The following CPA4 variants were observed in gnomAD, a reference collection of about 807,000 sequenced individuals.
The protein encoded by CPA4 is carboxypeptidase A4.
CPA4 carries 49 observed loss-of-function variants against 54.7 expected under a neutral mutation model. The observed-to-expected ratio is 0.90, with a 90% confidence interval of 0.71 to 1.14. The LOEUF (loss-of-function observed/expected upper bound fraction) is 1.14. Among genes scored for constraint, CPA4 ranks in the 50% most tolerant of loss-of-function variants. The pLI is 0.00. For missense variants in CPA4, 487 were observed against 525.1 expected (o/e 0.93, Z 0.71); for synonymous variants, 215 against 206.8 (o/e 1.04, Z -0.34).
At chr7:130,320,075 G>A (rs1177089474) in intron 10 of CPA4, among the ~76,000 whole-genome samples, 2 of 152,134 alleles carry the variant, frequency 1.3e-5, no homozygotes, top group African/African-American at 4.8e-5. Flanking sequence ...CCCAACCCTT[G>A]TAAGTGTCTA....
At chr7:130,320,689 G>A (rs1014975741) in intron 10 of CPA4, among the ~76,000 whole-genome samples, 6 of 152,168 alleles carry the variant, frequency 3.9e-5, no homozygotes, top group African/African-American at 1.4e-4. Flanking sequence ...ATGGACCTGG[G>A]TTTAGATTGC....
At chr7:130,320,090 G>A (rs145285029) in intron 10 of CPA4, among the ~76,000 whole-genome samples, 68 of 152,210 alleles carry the variant, frequency 4.5e-4, no homozygotes, top group African/African-American at 1.2e-3. Flanking sequence ...TGTCTAAAAT[G>A]TCCACCTAGA....
chr7:130,293,350 C>T, intron 1 of CPA4, 102 bp downstream of exon 1: 1 of 770,632 alleles, frequency 1.3e-6, no homozygotes, highest in Admixed American at 1.9e-5. Context: ...AGGAAGAAGA[C>T]CTGGGCTCTT....
Position 130,310,827 on chromosome 7 carries a change from T to C in CPA4, c.834T>C (p.His278=), listed in dbSNP as rs73721864. 1,646 of 1,614,244 alleles carry C rather than the reference T, an allele frequency of 1.0e-3. 13 individuals carry two copies. The African/African-American group carries it at 0.015, about 15-fold the overall frequency. Residue 278 remains histidine (H), a synonymous_variant, in exon 9 of 11, where the codon CAT becomes CAC. Coordinates refer to ENST00000222482, the MANE Select transcript of CPA4 (RefSeq NM_016352.4). This position sits in a 1 kb window ranked among gnomAD's most constrained non-coding sequence, Gnocchi z 4.3. ...ACAACCCTTGCTCCGAAGTGTACCA[T>C]GGACCCCACGCCAATTCGGAAGTGG... ...ASDNPCSEVY[H]GPHANSEVEV...
At chr7:130,304,647 A>G (rs1252987327) in intron 5 of CPA4, 68 bp downstream of exon 5, 1 of 953,196 alleles carries the variant, frequency 1.0e-6, no homozygotes, top group Non-Finnish European at 1.7e-6. Context: ...CAGACCTCTG[A>G]AAAGGGTAGC....
chr7:130,314,639 T>C (rs1298194876), intron 10 of CPA4, among the ~76,000 whole-genome samples: 1 of 152,112 alleles, frequency 6.6e-6, no homozygotes, highest in East Asian at 1.9e-4. Context: ...AGTGGTTGTA[T>C]TGGTGAGGTT....
chr7:130,307,326 G>A (rs73146801), intron 7 of CPA4, among the ~76,000 whole-genome samples: 9,344 of 152,028 alleles, frequency 0.061, 306 homozygotes, highest in Middle Eastern at 0.11. Flanking sequence ...TAACACCCCC[G>A]ATTACCTTAA....
At chr7:130,301,657 C>A (rs551748709) in intron 4 of CPA4, among the ~76,000 whole-genome samples, 1 of 152,280 alleles carries the variant, frequency 6.6e-6, no homozygotes, top group East Asian at 1.9e-4. Context: ...GATATACAGA[C>A]ATGGTGTTGT....
At chr7:130,305,594 G>A (rs1475390630) in intron 5 of CPA4, among the ~76,000 whole-genome samples, 1 of 152,200 alleles carries the variant, frequency 6.6e-6, no homozygotes, top group Admixed American at 6.5e-5. Flanking sequence ...TGCTCCTAAT[G>A]CTGGAGAGGT....
intron 1 of CPA4, 120 bp from the exon 2 acceptor site, chr7:130,298,626 C>A (rs950949840): frequency 1.1e-5 from 7 of 649,326 alleles, no homozygotes; most frequent in Non-Finnish European, 2.0e-5. Context: ...AAACCAAAGA[C>A]TAGACCATTT....
chr7:130,299,236 T>C, intron 2 of CPA4, 34 bp from the exon 3 acceptor site: 1 of 1,608,216 alleles, frequency 6.2e-7, no homozygotes, highest in Non-Finnish European at 8.5e-7. Context: ...ACCTGAACGG[T>C]CCTTTAACCT....
At chr7:130,304,379 C>A in intron 4 of CPA4, 99 bp from the exon 5 acceptor site, 1 of 809,388 alleles carries the variant, frequency 1.2e-6, no homozygotes. Context: ...ATTAGGGTCC[C>A]GGAAGAGATA....
Position 130,305,840 on chromosome 7 carries a change from C to T in CPA4, c.511C>T (p.Arg171Trp), listed in dbSNP as rs763598487. 20 of 1,613,972 alleles carry T rather than the reference C, an allele frequency of 1.2e-5. No homozygotes were observed. Among genetic ancestry groups the T allele is most frequent in the African/African-American group, 2.7e-5 (2 of 74,930 alleles). The change falls in exon 6 of 11, where the codon CGG becomes TGG. Residue 171 changes from arginine (R) to tryptophan (W), a missense_variant. Physicochemically the swap from Arg to Trp is moderately radical, Grantham distance 101. Transcript: ENST00000222482. ...GTTCAGCACTGGGAAAGGCGTGAGG[C>T]GGCCGGCCGTTTGGCTGAATGCAGG... Reference protein sequence around the residue: ...LKFSTGKGVRRPAVWLNAGIH... With the variant: ...LKFSTGKGVRWPAVWLNAGIH...
chr7:130,317,625 A>G (rs1794009963), intron 10 of CPA4, among the ~76,000 whole-genome samples: 3 of 152,050 alleles, frequency 2.0e-5, no homozygotes, highest in Admixed American at 1.3e-4. Context: ...CAACATGCCC[A>G]GCTAATTTTT....
intron 10 of CPA4, among the ~76,000 whole-genome samples, chr7:130,320,277 T>A (rs1209131337): frequency 6.6e-6 from 1 of 152,182 alleles, no homozygotes; most frequent in African/African-American, 2.4e-5. Context: ...TGTTATTGTT[T>A]TTAAAGAGTA....
At chr7:130,314,742 G>C (rs576674239) in intron 10 of CPA4, among the ~76,000 whole-genome samples, 14 of 152,196 alleles carry the variant, frequency 9.2e-5, no homozygotes. Context: ...CCTCGAAGCC[G>C]TAGGTCCCAT....
In CPA4 at chr7:130,300,861, C is replaced by T; in HGVS notation, c.331C>T (p.Gln111Ter). 1 of 1,613,906 alleles carries T rather than the reference C, an allele frequency of 6.2e-7. No individual in the cohort carries two copies. Among genetic ancestry groups the T allele is most frequent in the Non-Finnish European group, 8.5e-7 (1 of 1,179,824 alleles). ...TGATGAAATGCAACACAATGAAGGGCAAGAACGGAGCAGTAATAACTTCAA... is the reference window on the plus strand; with the variant it reads ...TGATGAAATGCAACACAATGAAGGGTAAGAACGGAGCAGTAATAACTTCAA... ...EDDEMQHNEG[Q>*]ERSSNNFNYG... The change falls in exon 4 of 11, where the codon CAA becomes TAA. Residue 111 changes from glutamine to a stop codon, truncating the protein, a stop_gained. Transcript: ENST00000222482. LOFTEE classifies it high-confidence loss of function.
chr7:130,308,219 C>T, intron 7 of CPA4, 88 bp from the exon 8 acceptor site: 2 of 1,111,656 alleles, frequency 1.8e-6, no homozygotes, highest in Non-Finnish European at 2.8e-6. Flanking sequence ...AAGCAGCCTG[C>T]CCTGCCTGCG....
intron 5 of CPA4, 49 bp from the exon 6 acceptor site, chr7:130,305,767 C>A: frequency 1.5e-6 from 2 of 1,307,498 alleles, no homozygotes; most frequent in African/African-American, 1.4e-5. Context: ...GAGAAGTGAG[C>A]AGAGATGCGG....
Sources: allele counts gnomAD v4.1 joint callset (sites outside exome capture counted in the v4.1 genomes callset), GRCh38; gene constraint gnomAD v4.1.1; non-coding constraint Gnocchi (gnomAD v3.1); transcripts MANE v1.5; gene names NCBI Gene and HGNC (gene_info 2026-07-23, HGNC 2026-07-21).